PCCA: variants seen among roughly 807,000 people sequenced by gnomAD.
PCCA encodes the protein propionyl-CoA carboxylase subunit alpha, also known as propionyl-CoA carboxylase alpha chain, mitochondrial.
Under a neutral mutation model 101.3 loss-of-function variants are expected in PCCA, and 74 were observed. That is an observed-to-expected ratio of 0.73 (90% CI 0.61 to 0.89). The LOEUF is 0.89. Among genes scored for constraint, PCCA ranks in the 40% least tolerant of loss-of-function variants. PCCA has a pLI of 0.00. For missense variants in PCCA, 891 were observed against 907.0 expected (o/e 0.98, Z 0.23); for synonymous variants, 294 against 313.6 (o/e 0.94, Z 0.66).
At chr13:100,295,618 T>C (rs1178193705) in intron 12 of PCCA, among the ~76,000 whole-genome samples, 1 of 152,236 alleles carries the variant, frequency 6.6e-6, no homozygotes, top group Non-Finnish European at 1.5e-5. Flanking sequence ...AAGAAGTTTG[T>C]GCATGTGTGG....
At chr13:100,323,091 T>G (rs965484464) in intron 16 of PCCA, among the ~76,000 whole-genome samples, 3 of 152,258 alleles carry the variant, frequency 2.0e-5, no homozygotes, top group African/African-American at 7.2e-5. Flanking sequence ...TTAGACTTTG[T>G]GGGACACAAG....
At chr13:100,163,206 G>T (rs1028991510) in intron 6 of PCCA, among the ~76,000 whole-genome samples, 1 of 151,960 alleles carries the variant, frequency 6.6e-6, no homozygotes, top group African/African-American at 2.4e-5. Context: ...GATGAGGCTG[G>T]GATTTTTTTC....
intron 6 of PCCA, among the ~76,000 whole-genome samples, chr13:100,172,221 C>A (rs1042439261): frequency 6.6e-6 from 1 of 150,646 alleles, no homozygotes; most frequent in African/African-American, 2.4e-5. Context: ...AAAAAATTTA[C>A]CTTTCAGTGG....
chr13:100,188,328 A>ACAAAC, intron 6 of PCCA, among the ~76,000 whole-genome samples: 1 of 146,476 alleles, frequency 6.8e-6, no homozygotes, highest in African/African-American at 2.5e-5. Context: ...ACAAAACAAA[A>ACAAAC]ACACAAAGAA....
At chr13:100,395,535 CTTGA>C (rs2077002801) in intron 19 of PCCA, among the ~76,000 whole-genome samples, 2 of 152,144 alleles carry the variant, frequency 1.3e-5, no homozygotes, top group Admixed American at 1.3e-4. Context: ...TCTCTGTATT[CTTGA>C]TTGTGTGTTT....
chr13:100,232,725 G>A (rs2060569100), intron 7 of PCCA, among the ~76,000 whole-genome samples: 1 of 151,734 alleles, frequency 6.6e-6, no homozygotes, highest in East Asian at 2.1e-4. Context: ...TACTCCAGAA[G>A]GGCCCTTTCT....
rs1394755498 is a variant in PCCA, at chr13:100,283,719, C to T, written c.1065+10373C>T. 1.8e-4 allele frequency among the ~76,000 whole-genome samples: 27 copies of T among 151,638 alleles called. No homozygotes were observed. In the Middle Eastern group the frequency reaches 0.02, roughly 115 times the overall value. On this transcript the variant is annotated intron_variant, in intron 12 of 23. Coordinates refer to ENST00000376285, the MANE Select transcript of PCCA (RefSeq NM_000282.4). ...AGGAAAAGCGAGATCAGAGAAAGGC[C>T]GCAGCCTTAGTCATGGCCCTCAGAC...
At chr13:100,381,295 AGGAGAATGGCATGAACCCGGGAG>A (rs1338633643) in intron 19 of PCCA, among the ~76,000 whole-genome samples, 2 of 151,960 alleles carry the variant, frequency 1.3e-5, no homozygotes, top group African/African-American at 4.8e-5. Context: ...AGGCTGAGGC[AGGAGAATGGCATGAACCCGGGAG>A]GTGGAGCTTG....
At chr13:100,439,412 CAG>C (rs2080179414) in intron 20 of PCCA, among the ~76,000 whole-genome samples, 1 of 152,144 alleles carries the variant, frequency 6.6e-6, no homozygotes, top group Admixed American at 6.5e-5. Context: ...ATGAAACAAA[CAG>C]AAGATTCGCT....
intron 8 of PCCA, among the ~76,000 whole-genome samples, chr13:100,250,760 T>G (rs2061699687): frequency 6.6e-6 from 1 of 152,148 alleles, no homozygotes; most frequent in South Asian, 2.1e-4. Flanking sequence ...GTATAGATGT[T>G]TAGTCTGGCA....
chr13:100,433,908 A>T (rs191286737), intron 20 of PCCA, among the ~76,000 whole-genome samples: 2 of 152,362 alleles, frequency 1.3e-5, no homozygotes, highest in East Asian at 3.9e-4. Flanking sequence ...GAGTCTTCAG[A>T]ACAGAGATCC....
intron 10 of PCCA, among the ~76,000 whole-genome samples, chr13:100,265,924 A>G (rs2062906743): frequency 6.6e-6 from 1 of 152,198 alleles, no homozygotes; most frequent in African/African-American, 2.4e-5. Context: ...AAAGACTGTG[A>G]GATGTGCTTG....
intron 7 of PCCA, among the ~76,000 whole-genome samples, chr13:100,214,127 A>G (rs931218723): frequency 6.6e-6 from 1 of 152,130 alleles, no homozygotes; most frequent in Admixed American, 6.6e-5. Flanking sequence ...GCTCTGTAGT[A>G]TAATTTTAAG....
intron 4 of PCCA, among the ~76,000 whole-genome samples, chr13:100,143,631 T>A (rs2052179411): frequency 6.6e-6 from 1 of 152,062 alleles, no homozygotes; most frequent in South Asian, 2.1e-4. Flanking sequence ...TTGAGCTCCT[T>A]CAAAGTACTT....
intron 12 of PCCA, among the ~76,000 whole-genome samples, chr13:100,293,761 A>G (rs1429328609): frequency 6.6e-6 from 1 of 152,212 alleles, no homozygotes; most frequent in African/African-American, 2.4e-5. Flanking sequence ...AACTGAGGAT[A>G]GAAGGTAGGA....
At chr13:100,459,947 T>C (rs1191530116) in intron 21 of PCCA, among the ~76,000 whole-genome samples, 1 of 152,224 alleles carries the variant, frequency 6.6e-6, no homozygotes, top group Non-Finnish European at 1.5e-5. Flanking sequence ...AATCCCATCA[T>C]GGGGCCCCAC....
chr13:100,095,626 G>C (rs773645413), intron 1 of PCCA, among the ~76,000 whole-genome samples: 6 of 152,290 alleles, frequency 3.9e-5, no homozygotes, highest in Non-Finnish European at 8.8e-5. Flanking sequence ...TGACTATATG[G>C]GGGCCTAGCA....
At chr13:100,278,482 T>C (rs1169875644) in intron 12 of PCCA, among the ~76,000 whole-genome samples, 1 of 137,198 alleles carries the variant, frequency 7.3e-6, no homozygotes. Flanking sequence ...AACCCGATAG[T>C]TGATTTTTTT....
chr13:100,400,007 T>C (rs937797898), intron 19 of PCCA, among the ~76,000 whole-genome samples: 1 of 152,210 alleles, frequency 6.6e-6, no homozygotes. Flanking sequence ...GAGGATGTCA[T>C]AAGAGTTAGG....
Sources: gnomAD v4.1 joint callset for allele counts (sites outside exome capture counted in the v4.1 genomes callset) on GRCh38, gnomAD v4.1.1 for gene constraint, MANE v1.5 for transcripts, NCBI Gene and HGNC (gene_info 2026-07-23, HGNC 2026-07-21) for gene names.